ADAD1: variants seen among roughly 807,000 people sequenced by gnomAD.
ADAD1 encodes the protein adenosine deaminase domain containing 1.
ADAD1 carries 46 observed loss-of-function variants against 66.8 expected under a neutral mutation model. The observed-to-expected ratio is 0.69, with a 90% CI of 0.54 to 0.88. The LOEUF is 0.88. Among genes scored for constraint, ADAD1 ranks in the 40% least tolerant of loss-of-function variants. The probability of loss-of-function intolerance (pLI) is 0.00; values close to 1 mark genes in which losing one functional copy is unlikely to be tolerated. For synonymous variants in ADAD1, 248 were observed against 229.4 expected (o/e 1.08, Z -0.73); for missense variants, 617 against 681.8 (o/e 0.91, Z 1.06).
chr4:122,409,588 C>T (rs550375040), intron 8 of ADAD1, among the ~76,000 whole-genome samples: 7 of 152,202 alleles, frequency 4.6e-5, no homozygotes, highest in African/African-American at 1.4e-4. Context: ...TGACTATTGT[C>T]ATCCTGTTGT....
intron 5 of ADAD1, 42 bp from the exon 6 acceptor site, chr4:122,393,547 G>A: frequency 1.3e-6 from 2 of 1,507,660 alleles, no homozygotes; most frequent in Non-Finnish European, 1.8e-6. Context: ...TCTTTGGAAT[G>A]TTGAAGTTTC....
chr4:122,380,193 G>C lies in ADAD1; in HGVS notation c.124G>C (p.Glu42Gln). 1.2e-6 allele frequency: 2 copies of C among 1,614,164 alleles called. No homozygotes were observed. The highest frequency in any genetic ancestry group is 1.7e-6 in the Non-Finnish European group (2 of 1,180,022). Residue 42 changes from glutamate (E) to glutamine (Q), a missense_variant, in exon 3 of 13, where the codon GAA (glutamate) becomes CAA (glutamine). By Grantham distance (29) the Glu-to-Gln change is conservative. Coordinates refer to ENST00000296513, the MANE Select transcript of ADAD1 (RefSeq NM_139243.4). ...AACTACACCCACAGGATGGTCCTCA[G>C]AAAGTTACGGCCTGTCCAAGATGGC... ...TITTPTGWSS[E>Q]SYGLSKMASK...
chr4:122,414,439 G>C lies in ADAD1; in HGVS notation c.1250-940G>C, dbSNP rs1014005474. 1.3e-5 allele frequency among the ~76,000 whole-genome samples: 2 copies of C among 151,326 alleles called. 1 individual carries two copies. Among genetic ancestry groups the C allele is most frequent in the Admixed American group, 1.3e-4 (2 of 15,186 alleles). Reference sequence around the variant, plus strand: ...TCTGTGCCCAAGTATATTTTTATTTGATTAGTTTTCTTTTGTCACTCTTGT... The same window carrying C: ...TCTGTGCCCAAGTATATTTTTATTTCATTAGTTTTCTTTTGTCACTCTTGT... On this transcript the variant is annotated intron_variant, in intron 10 of 12. Transcript: ENST00000296513.
intron 5 of ADAD1, among the ~76,000 whole-genome samples, chr4:122,388,055 G>A (rs562703943): frequency 1.8e-4 from 27 of 151,926 alleles, no homozygotes; most frequent in East Asian, 3.9e-4. Flanking sequence ...CACTGCGCCC[G>A]GCTGAGAGTT....
intron 7 of ADAD1, among the ~76,000 whole-genome samples, chr4:122,400,216 G>A (rs1795909106): frequency 6.6e-6 from 1 of 152,118 alleles, no homozygotes; most frequent in Admixed American, 6.6e-5. Flanking sequence ...TAATCTTAAA[G>A]CGATGCTGGA....
Position 122,396,266 on chromosome 4 carries a change from C to A in ADAD1, c.613C>A (p.Gln205Lys). ...SKVHYEGRHIQYAKISQIVKE... is the reference protein window; with the variant it reads ...SKVHYEGRHIKYAKISQIVKE... ...TTTTTTTCTAGAAGGGAGACATATT[C>A]AATATGCAAAGATTTCACAGATCGT... The change falls in exon 7 of 13, where the codon CAA becomes AAA. Residue 205 changes from glutamine to lysine, a missense_variant. Physicochemically the swap from Gln to Lys is moderately conservative, Grantham distance 53 (BLOSUM62 1). Transcript: ENST00000296513. The A allele has an allele frequency of 1.3e-6, 2 of 1,584,880 alleles. No homozygotes were observed. The highest frequency in any genetic ancestry group is 1.8e-5 in the Admixed American group (1 of 54,756).
Position 122,393,586 on chromosome 4 carries a change from C to T in ADAD1, c.530-3C>T. ...TTTCCTTATGTTTTTGTTTTGTTTACAGGTCCTCCTCCTTTCCCTGCAGAA... is the reference window on the plus strand; with the variant it reads ...TTTCCTTATGTTTTTGTTTTGTTTATAGGTCCTCCTCCTTTCCCTGCAGAA... On this transcript the variant is annotated splice_region_variant and splice_polypyrimidine_tract_variant and intron_variant, in intron 5 of 12. Transcript: ENST00000296513. 1.3e-6 allele frequency: 2 copies of T among 1,588,346 alleles called. No homozygotes were observed. Among genetic ancestry groups the T allele is most frequent in the African/African-American group, 1.4e-5 (1 of 73,554 alleles).
At chr4:122,379,792 T>G in intron 2 of ADAD1, 1 of 323,802 alleles carries the variant, frequency 3.1e-6, no homozygotes, top group Non-Finnish European at 5.6e-6. Context: ...TCCTGAGTAG[T>G]TTTAAGGTCT....
intron 12 of ADAD1, among the ~76,000 whole-genome samples, chr4:122,423,121 G>GT (rs1443425017): frequency 1.3e-5 from 2 of 152,136 alleles, no homozygotes; most frequent in Admixed American, 6.5e-5. Context: ...AAGAACTGTA[G>GT]TTTTTTGACC....
rs983074707 is a variant in ADAD1, at chr4:122,379,085, G to C, written c.-113G>C. 5.3e-5 allele frequency: 8 copies of C among 152,358 alleles called. No individual in the cohort carries two copies. The highest frequency in any genetic ancestry group is 1.3e-4 in the Admixed American group (2 of 15,280). 9.4% of individuals were successfully genotyped at this position (152,358 alleles called of 1,614,324 possible). A position where few individuals can be genotyped will look rare whatever the true frequency, so the allele number is the denominator to read the frequency against. ...CTCAGATTGCGATTGTGGATGAAAT[G>C]AGGGATTTTCTTGAAACAACCCTCA... On this transcript the variant is annotated 5_prime_UTR_variant, in exon 1 of 13. It removes an upstream start codon present in the reference 5' UTR. Coordinates refer to ENST00000296513, the MANE Select transcript of ADAD1 (RefSeq NM_139243.4).
At chr4:122,399,569 T>G (rs1795874853) in intron 7 of ADAD1, among the ~76,000 whole-genome samples, 1 of 152,090 alleles carries the variant, frequency 6.6e-6, no homozygotes, top group African/African-American at 2.4e-5. Context: ...GTAGATTGCT[T>G]TTGGCAGTAT....
At chr4:122,386,712 A>G (rs571341360) in intron 5 of ADAD1, among the ~76,000 whole-genome samples, 3 of 152,312 alleles carry the variant, frequency 2.0e-5, no homozygotes, top group African/African-American at 7.2e-5. Context: ...TAATTTTTGT[A>G]TAAGGTGTAA....
intron 6 of ADAD1, among the ~76,000 whole-genome samples, chr4:122,395,340 C>G (rs79858761): frequency 6.6e-6 from 1 of 151,936 alleles, no homozygotes; most frequent in Non-Finnish European, 1.5e-5. Flanking sequence ...TGTAAGCCAC[C>G]GCGCCCAGCC....
At position 122,415,438 on chromosome 4, in the gene ADAD1, G is replaced by A. The variant is rs1433075358; in HGVS notation, c.1309G>A (p.Asp437Asn). 6.2e-7 allele frequency: 1 copy of A among 1,613,740 alleles called. No individual in the cohort carries two copies. Among genetic ancestry groups the A allele is most frequent in the African/African-American group, 1.3e-5 (1 of 74,890 alleles). ...LEIAIKQRVD[D>N]ALTSKLPMFY... ...AATCGCTATAAAGCAACGTGTTGAT[G>A]ATGCACTCACTTCAAAACTTCCAAT... is the stretch of plus-strand genomic sequence containing the variant. Residue 437 changes from aspartate to asparagine, a missense_variant, in exon 11 of 13, where the codon GAT becomes AAT. Physicochemically the swap from Asp to Asn is conservative, Grantham distance 23. Coordinates refer to ENST00000296513, the MANE Select transcript of ADAD1 (RefSeq NM_139243.4).
intron 6 of ADAD1, among the ~76,000 whole-genome samples, chr4:122,395,101 A>ATT (rs1795634554): frequency 6.6e-6 from 1 of 152,030 alleles, no homozygotes; most frequent in Non-Finnish European, 1.5e-5. Context: ...CCCAGGCTGG[A>ATT]GTGCAGTGGC....
At chr4:122,392,901 C>T (rs531614005) in intron 5 of ADAD1, among the ~76,000 whole-genome samples, 1 of 152,234 alleles carries the variant, frequency 6.6e-6, no homozygotes, top group Admixed American at 6.5e-5. Context: ...TCTTTGTTCA[C>T]TTCTGTCTTC....
At chr4:122,408,140 A>G (rs1484360056) in intron 8 of ADAD1, 109 bp downstream of exon 8, 4 of 1,166,862 alleles carry the variant, frequency 3.4e-6, no homozygotes, top group Admixed American at 5.5e-5. Flanking sequence ...CATAGAGCCA[A>G]GGATGTCACA....
At chr4:122,401,561 T>A (rs1458442300) in intron 7 of ADAD1, among the ~76,000 whole-genome samples, 1 of 152,184 alleles carries the variant, frequency 6.6e-6, no homozygotes, top group Non-Finnish European at 1.5e-5. Context: ...TTGACTTTTG[T>A]CTTGATGACC....
chr4:122,426,466 TCTCTA>T (rs1347378970), intron 12 of ADAD1, among the ~76,000 whole-genome samples: 3 of 152,110 alleles, frequency 2.0e-5, no homozygotes, highest in Non-Finnish European at 4.4e-5. Context: ...AGAAAACACT[TCTCTA>T]CTCATTTTAC....
Sources: gnomAD v4.1 joint callset for allele counts (sites outside exome capture counted in the v4.1 genomes callset) on GRCh38, gnomAD v4.1.1 for gene constraint, MANE v1.5 for transcripts, NCBI Gene and HGNC (gene_info 2026-07-23, HGNC 2026-07-21) for gene names.